Variants in FOXP4 observed in about 807,000 individuals in gnomAD.
FOXP4 encodes forkhead box protein P4.
FOXP4 carries 25 observed loss-of-function variants against 82.6 expected under a neutral mutation model. The ratio of observed to expected loss-of-function variants is 0.30; its 90% CI spans 0.22 to 0.42. The LOEUF (loss-of-function observed/expected upper bound fraction) is 0.42. Ranked by LOEUF, FOXP4 falls within the 10% of genes least tolerant of loss-of-function variation. The pLI is 1.00. For synonymous variants in FOXP4, 415 were observed against 388.2 expected (o/e 1.07, Z -0.81); for missense variants, 785 against 900.9 (o/e 0.87, Z 1.65).
intron 1 of FOXP4, among the ~76,000 whole-genome samples, chr6:41,564,183 G>A (rs1374694122): frequency 6.6e-6 from 1 of 152,224 alleles, no homozygotes; most frequent in African/African-American, 2.4e-5. Flanking sequence ...GTCAGGTGCA[G>A]TGGTTCATGC....
chr6:41,560,810 T>C (rs913913136), intron 1 of FOXP4, among the ~76,000 whole-genome samples: 9 of 152,220 alleles, frequency 5.9e-5, no homozygotes, highest in African/African-American at 2.2e-4. Flanking sequence ...GATTAAGCGA[T>C]TGTTAATTAA....
chr6:41,594,305 T>G (rs1047955012), intron 13 of FOXP4, among the ~76,000 whole-genome samples: 22 of 152,242 alleles, frequency 1.4e-4, no homozygotes, highest in Non-Finnish European at 2.9e-4. Context: ...GTATACCTTG[T>G]GCTCTCAAAA....
At chr6:41,565,072 GC>G (rs1242297188) in intron 1 of FOXP4, among the ~76,000 whole-genome samples, 2 of 152,188 alleles carry the variant, frequency 1.3e-5, no homozygotes, top group East Asian at 3.9e-4. Flanking sequence ...CCAGACGGGG[GC>G]TAGGCACTGT....
chr6:41,569,636 C>T (rs908312707), intron 2 of FOXP4, among the ~76,000 whole-genome samples: 2 of 152,126 alleles, frequency 1.3e-5, no homozygotes, highest in African/African-American at 4.8e-5. Context: ...GAGGGCCGAG[C>T]TGGTGGGGTG....
chr6:41,586,866 G>T (rs979406113), intron 5 of FOXP4, 143 bp from the exon 6 acceptor site: 11 of 1,362,360 alleles, frequency 8.1e-6, no homozygotes, highest in Non-Finnish European at 9.7e-7. Flanking sequence ...GCCGGGAGCA[G>T]AGACACTGCA....
intron 1 of FOXP4, among the ~76,000 whole-genome samples, chr6:41,554,937 TA>T (rs1186986624): frequency 1.3e-5 from 2 of 151,736 alleles, no homozygotes; most frequent in African/African-American, 4.8e-5. Flanking sequence ...GACCCAAATC[TA>T]ATTCCCACAC....
At chr6:41,576,973 C>T (rs1765523613) in intron 2 of FOXP4, among the ~76,000 whole-genome samples, 1 of 152,104 alleles carries the variant, frequency 6.6e-6, no homozygotes, top group Non-Finnish European at 1.5e-5. Flanking sequence ...CTTCAAACCT[C>T]CCACTGAAGC....
At chr6:41,551,448 G>A (rs1225564309) in intron 1 of FOXP4, among the ~76,000 whole-genome samples, 7 of 152,102 alleles carry the variant, frequency 4.6e-5, no homozygotes, top group African/African-American at 7.2e-5. Context: ...CCATACAGCC[G>A]CCTGTTCCCT....
rs991860996 is a variant in FOXP4, at chr6:41,591,696, C to T, written c.1536+374C>T. Among the ~76,000 whole-genome samples, 1 of 152,106 alleles carries T rather than the reference C, an allele frequency of 6.6e-6. No homozygotes were observed. ...CACAGAGACCCTAAGGGTCTGGATA[C>T]CTTGGCTTAAGGTACATGTTCTGAA... is the stretch of plus-strand genomic sequence containing the variant. On this transcript the variant is annotated intron_variant, in intron 13 of 16. Transcript: ENST00000307972. The surrounding 1 kb of genome is among the most constrained non-coding windows in gnomAD (Gnocchi z 4.2).
intron 1 of FOXP4, among the ~76,000 whole-genome samples, chr6:41,549,450 ACTTC>A (rs1763873062): frequency 6.6e-6 from 1 of 151,722 alleles, no homozygotes; most frequent in Non-Finnish European, 1.5e-5. Context: ...AGAGCCGAAA[ACTTC>A]CGTTCTGGCT....
chr6:41,554,498 G>C (rs1352582248), intron 1 of FOXP4, among the ~76,000 whole-genome samples: 2 of 152,188 alleles, frequency 1.3e-5, no homozygotes, highest in Non-Finnish European at 2.9e-5. Flanking sequence ...TAGCAGCTTT[G>C]ACATGGAGAT....
chr6:41,599,098 C>G lies in FOXP4; in HGVS notation c.*162C>G, dbSNP rs1223483327. 1 of 977,290 alleles carries G rather than the reference C, an allele frequency of 1.0e-6. No individual in the cohort carries two copies. The highest frequency in any genetic ancestry group is 1.5e-6 in the Non-Finnish European group (1 of 675,586). 60.5% of individuals were successfully genotyped at this position (977,290 alleles called of 1,614,324 possible). A position where few individuals can be genotyped will look rare whatever the true frequency, so the allele number is the denominator to read the frequency against. On this transcript the variant is annotated 3_prime_UTR_variant, in exon 17 of 17. Transcript: ENST00000307972. ...CTCCCAGTGTGACCTGACAAAAACA[C>G]GTAGGGGCAGGGACGGTCCCCACCC...
chr6:41,593,172 C>T lies in FOXP4; in HGVS notation c.1537-1698C>T, dbSNP rs914214056. 2.0e-5 allele frequency among the ~76,000 whole-genome samples: 3 copies of T among 152,232 alleles called. No homozygotes were observed. Among genetic ancestry groups the T allele is most frequent in the Non-Finnish European group, 4.4e-5 (3 of 68,048 alleles). On this transcript the variant is annotated intron_variant, in intron 13 of 16. Transcript: ENST00000307972. This position sits in a 1 kb window ranked among gnomAD's most constrained non-coding sequence, Gnocchi z 4.1. ...TACACCCAACTCTGCTTCCCTTCCA[C>T]CTCTACTTTCCACTCATTTCTCAGC...
intron 2 of FOXP4, among the ~76,000 whole-genome samples, chr6:41,573,480 G>A: frequency 6.6e-6 from 1 of 152,168 alleles, no homozygotes; most frequent in South Asian, 2.1e-4. Flanking sequence ...CTGAATGGGG[G>A]ATGGGGGGAG....
At chr6:41,588,208 C>G (rs899195844) in intron 8 of FOXP4, among the ~76,000 whole-genome samples, 4 of 152,190 alleles carry the variant, frequency 2.6e-5, no homozygotes, top group Admixed American at 1.3e-4. Flanking sequence ...AGCCTCAGCC[C>G]CGGGGAGTGA....
Position 41,591,334 on chromosome 6 carries a change from C to G in FOXP4, c.1536+12C>G. On this transcript the variant is annotated intron_variant, in intron 13 of 16. Coordinates refer to ENST00000307972, the MANE Select transcript of FOXP4 (RefSeq NM_001012426.2). The surrounding 1 kb of genome is among the most constrained non-coding windows in gnomAD (Gnocchi z 4.2). ...CTGCCACCTGGAAGGTGAAGCAGGC[C>G]CCTTCCACCTTCTGGGCCCCAGTCA... 6.3e-7 allele frequency: 1 copy of G among 1,580,386 alleles called. No homozygotes were observed. Among genetic ancestry groups the G allele is most frequent in the Non-Finnish European group, 8.6e-7 (1 of 1,160,514 alleles).
At chr6:41,582,318 A>C (rs376522628) in intron 3 of FOXP4, among the ~76,000 whole-genome samples, 1 of 152,178 alleles carries the variant, frequency 6.6e-6, no homozygotes, top group East Asian at 1.9e-4. Flanking sequence ...TGAAGATTCC[A>C]TGAGATACAC....
intron 1 of FOXP4, among the ~76,000 whole-genome samples, chr6:41,556,397 C>T (rs1342055770): frequency 6.6e-6 from 1 of 150,596 alleles, no homozygotes; most frequent in Non-Finnish European, 1.5e-5. Context: ...CATCTTGGCT[C>T]ACTGCAAGCT....
Position 41,557,976 on chromosome 6 carries a change from C to T in FOXP4, c.-16-7769C>T, listed in dbSNP as rs1044663418. Among the ~76,000 whole-genome samples, 17 of 152,222 alleles carry T rather than the reference C, an allele frequency of 1.1e-4. 1 individual carries two copies. The South Asian group carries it at 1.5e-3, about 13-fold the overall frequency. ...CCCTGCCACTTGTACTGATCTCCTC[C>T]GAGCACCCAAGTGTTGTGCTAAGAA... is the stretch of plus-strand genomic sequence containing the variant. On this transcript the variant is annotated intron_variant, in intron 1 of 16. Coordinates refer to ENST00000307972, the MANE Select transcript of FOXP4 (RefSeq NM_001012426.2).
Sources: allele counts gnomAD v4.1 joint callset (sites outside exome capture counted in the v4.1 genomes callset), GRCh38; gene constraint gnomAD v4.1.1; non-coding constraint Gnocchi (gnomAD v3.1); transcripts MANE v1.5; gene names NCBI Gene and HGNC (gene_info 2026-07-23, HGNC 2026-07-21).